Variants in CNBD1 observed in about 807,000 individuals in gnomAD.
CNBD1 encodes the protein cyclic nucleotide-binding domain-containing protein 1.
In CNBD1, 71 loss-of-function variants were observed where a neutral mutation model predicts 54.4. That is an observed-to-expected ratio of 1.30 (90% CI 1.08 to 1.59). The LOEUF (loss-of-function observed/expected upper bound fraction) is 1.59, where lower values mean the gene tolerates loss of function less well. Ranked by LOEUF, CNBD1 falls within the 40% of genes most tolerant of loss-of-function variation. CNBD1 has a pLI of 0.00. For missense variants in CNBD1, 659 were observed against 518.0 expected (o/e 1.27, Z -2.64); for synonymous variants, 182 against 170.7 (o/e 1.07, Z -0.51).
At chr8:87,239,826 T>C (rs997160662) in intron 6 of CNBD1, among the ~76,000 whole-genome samples, 1 of 152,104 alleles carries the variant, frequency 6.6e-6, no homozygotes, top group African/African-American at 2.4e-5. Context: ...TTTTTTGCTT[T>C]TCTCAACATA....
intron 1 of CNBD1, among the ~76,000 whole-genome samples, chr8:86,884,596 C>T (rs927171146): frequency 6.6e-6 from 1 of 152,124 alleles, no homozygotes; most frequent in Non-Finnish European, 1.5e-5. Context: ...AATTAAATCA[C>T]TAATCCAAGT....
At chr8:87,233,266 C>T (rs942643022) in intron 5 of CNBD1, among the ~76,000 whole-genome samples, 3 of 152,152 alleles carry the variant, frequency 2.0e-5, no homozygotes, top group Non-Finnish European at 1.5e-5. Flanking sequence ...CAGTCCTTCT[C>T]CTGCCTTCTA....
chr8:87,041,007 A>G (rs1210360971), intron 4 of CNBD1, among the ~76,000 whole-genome samples: 1 of 152,126 alleles, frequency 6.6e-6, no homozygotes, highest in Non-Finnish European at 1.5e-5. Flanking sequence ...ACTTAAATAT[A>G]GAAAAATGAT....
intron 6 of CNBD1, among the ~76,000 whole-genome samples, chr8:87,248,518 T>G (rs192038927): frequency 2.3e-4 from 35 of 152,332 alleles, no homozygotes; most frequent in Admixed American, 2.1e-3. Flanking sequence ...TTTGAAAAAC[T>G]GCAGAGGCTT....
chr8:87,228,535 C>G (rs1814570701), intron 5 of CNBD1, among the ~76,000 whole-genome samples: 1 of 150,230 alleles, frequency 6.7e-6, no homozygotes, highest in Non-Finnish European at 1.5e-5. Flanking sequence ...TGGGGGGTGC[C>G]TCCCAGTTAG....
chr8:87,017,133 A>T (rs1293600685), intron 4 of CNBD1, among the ~76,000 whole-genome samples: 1 of 152,132 alleles, frequency 6.6e-6, no homozygotes, highest in Non-Finnish European at 1.5e-5. Context: ...AAAAGGTAAA[A>T]TTGGTCTGGG....
chr8:87,147,708 T>G (rs2130745109), intron 4 of CNBD1, among the ~76,000 whole-genome samples: 1 of 152,246 alleles, frequency 6.6e-6, no homozygotes, highest in East Asian at 1.9e-4. Flanking sequence ...TAGCCTATTT[T>G]TTTAGTACAT....
intron 3 of CNBD1, among the ~76,000 whole-genome samples, chr8:86,926,838 A>G (rs1428085792): frequency 1.3e-5 from 2 of 152,294 alleles, no homozygotes; most frequent in East Asian, 1.9e-4. Context: ...TAGTAGGATA[A>G]TGAAGTAGAT....
intron 2 of CNBD1, among the ~76,000 whole-genome samples, chr8:87,413,370 T>A (rs151074264): frequency 2.0e-5 from 3 of 152,234 alleles, no homozygotes; most frequent in Admixed American, 2.0e-4. Flanking sequence ...CCACTTAAAA[T>A]ATTGTTTAAC....
At chr8:87,347,682 A>T (rs1343806909) in intron 8 of CNBD1, among the ~76,000 whole-genome samples, 2 of 152,108 alleles carry the variant, frequency 1.3e-5, no homozygotes, top group Non-Finnish European at 2.9e-5. Flanking sequence ...GTATGGTTTA[A>T]TTGGTTATTG....
intron 4 of CNBD1, among the ~76,000 whole-genome samples, chr8:87,051,682 AT>A (rs1403598061): frequency 6.6e-6 from 1 of 152,232 alleles, no homozygotes; most frequent in African/African-American, 2.4e-5. Context: ...CAGATCGCTC[AT>A]GCTATTGTTT....
intron 4 of CNBD1, among the ~76,000 whole-genome samples, chr8:87,184,755 C>T (rs1363194624): frequency 6.6e-6 from 1 of 152,072 alleles, no homozygotes; most frequent in East Asian, 1.9e-4. Flanking sequence ...ACTCCCAACA[C>T]CTGCTTTCTG....
intron 4 of CNBD1, among the ~76,000 whole-genome samples, chr8:86,956,294 G>T (rs1251195861): frequency 1.3e-5 from 2 of 151,916 alleles, no homozygotes; most frequent in Non-Finnish European, 2.9e-5. Flanking sequence ...TTTTGGCTTA[G>T]GATTGTCTTG....
chr8:87,353,732 A>G lies in CNBD1; in HGVS notation c.1249A>G (p.Ile417Val). 5 of 1,611,262 alleles carry G rather than the reference A, an allele frequency of 3.1e-6. No homozygotes were observed. The highest frequency in any genetic ancestry group is 4.2e-6 in the Non-Finnish European group (5 of 1,178,434). Residue 417 changes from isoleucine (I) to valine (V), a missense_variant, in exon 10 of 11, where the codon ATC becomes GTC. Physicochemically the swap from Ile to Val is conservative, Grantham distance 29. Coordinates refer to ENST00000518476, the MANE Select transcript of CNBD1 (RefSeq NM_173538.3). ...VLLQVPFTCT[I>V]ITKKEVEMAI... ...TCTTCAAGTTCCTTTCACGTGCACA[A>G]TCATTACCAAAAAAGAAGTTGAGAT...
At chr8:87,390,161 G>A (rs1430260709) in intron 2 of CNBD1, among the ~76,000 whole-genome samples, 2 of 151,950 alleles carry the variant, frequency 1.3e-5, no homozygotes, top group African/African-American at 2.4e-5. Flanking sequence ...GAAAACCTAG[G>A]CAATACCATT....
At chr8:87,040,009 C>T (rs1282345331) in intron 4 of CNBD1, among the ~76,000 whole-genome samples, 1 of 152,166 alleles carries the variant, frequency 6.6e-6, no homozygotes, top group Non-Finnish European at 1.5e-5. Flanking sequence ...ACAGGGTCTG[C>T]AAAATATCTC....
chr8:86,879,565 C>A (rs187276492), intron 1 of CNBD1, among the ~76,000 whole-genome samples: 8 of 152,058 alleles, frequency 5.3e-5, no homozygotes, highest in Non-Finnish European at 1.2e-4. Context: ...CCAGAACATG[C>A]GTTGTTGAAA....
At chr8:86,878,118 G>A in intron 1 of CNBD1, among the ~76,000 whole-genome samples, 1 of 151,554 alleles carries the variant, frequency 6.6e-6, no homozygotes, top group Non-Finnish European at 1.5e-5. Flanking sequence ...GAGAGAGAGA[G>A]AGAGAGAGAG....
intron 8 of CNBD1, among the ~76,000 whole-genome samples, chr8:87,318,392 A>G (rs1809445568): frequency 6.6e-6 from 1 of 152,148 alleles, no homozygotes; most frequent in Non-Finnish European, 1.5e-5. Flanking sequence ...CTTGCTTTTA[A>G]TCTTTCTCAG....
Sources: gnomAD v4.1 joint callset for allele counts (sites outside exome capture counted in the v4.1 genomes callset) on GRCh38, gnomAD v4.1.1 for gene constraint, MANE v1.5 for transcripts, NCBI Gene and HGNC (gene_info 2026-07-23, HGNC 2026-07-21) for gene names.